Variants in DCUN1D1 observed in about 807,000 individuals in gnomAD.
DCUN1D1 encodes the protein defective in cullin neddylation 1 domain containing 1.
In DCUN1D1, 3 loss-of-function variants were observed where a neutral mutation model predicts 39.0. That is an observed-to-expected ratio of 0.08 (90% CI 0.04 to 0.20). The LOEUF (loss-of-function observed/expected upper bound fraction) is 0.20, where lower values mean the gene tolerates loss of function less well. Among genes scored for constraint, DCUN1D1 ranks in the 10% least tolerant of loss-of-function variants. DCUN1D1 has a pLI of 1.00. For synonymous variants in DCUN1D1, 82 were observed against 96.3 expected, an observed-to-expected ratio of 0.85 and a Z score of 0.87; for missense variants, 158 against 302.4, an observed-to-expected ratio of 0.52 and a Z score of 3.54.
At chr3:182,979,222 A>G (rs1728392147) in intron 1 of DCUN1D1, among the ~76,000 whole-genome samples, 1 of 152,218 alleles carries the variant, frequency 6.6e-6, no homozygotes, top group Non-Finnish European at 1.5e-5. Flanking sequence ...TTGCCACAGA[A>G]CATAAGTGTT....
At chr3:182,964,613 A>C (rs962947329) in intron 2 of DCUN1D1, among the ~76,000 whole-genome samples, 4 of 151,894 alleles carry the variant, frequency 2.6e-5, no homozygotes, top group Non-Finnish European at 5.9e-5. Flanking sequence ...ACTGCTATCA[A>C]ATATGATTTA....
chr3:182,946,819 T>C (rs555865228), intron 6 of DCUN1D1, among the ~76,000 whole-genome samples: 25 of 152,046 alleles, frequency 1.6e-4, no homozygotes, highest in Non-Finnish European at 3.7e-4. Context: ...CAGAAGAGCA[T>C]TAAAAAAAGC....
intron 3 of DCUN1D1, 75 bp from the exon 4 acceptor site, chr3:182,961,431 G>T (rs1388193250): frequency 7.8e-7 from 1 of 1,278,590 alleles, no homozygotes; most frequent in African/African-American, 1.5e-5. Context: ...TCCCATGAGG[G>T]CTTACATTTA....
chr3:182,970,210 G>A (rs1727862871), intron 1 of DCUN1D1, among the ~76,000 whole-genome samples: 1 of 152,040 alleles, frequency 6.6e-6, no homozygotes, highest in African/African-American at 2.4e-5. Context: ...GCTGCAGTGA[G>A]CTATGATAGC....
At chr3:182,965,409 A>G (rs1176483983) in intron 2 of DCUN1D1, 128 bp downstream of exon 2, 8 of 530,316 alleles carry the variant, frequency 1.5e-5, no homozygotes, top group Non-Finnish European at 1.0e-5. Context: ...AAATAACTCT[A>G]AGATCTACAG....
At chr3:182,957,634 A>G (rs1173225232) in intron 4 of DCUN1D1, among the ~76,000 whole-genome samples, 1 of 152,018 alleles carries the variant, frequency 6.6e-6, no homozygotes, top group African/African-American at 2.4e-5. Context: ...TCTAAAACAA[A>G]TCAAAAAAAA....
Position 182,947,150 on chromosome 3 carries a change from C to T in DCUN1D1, c.700+88G>A, listed in dbSNP as rs991205440. ...AGCTCAGCGGAGGGAATTCCAACTC[C>T]GAGAAAAACAAAAGTACCTAAGAAG... On this transcript the variant is annotated intron_variant, in intron 6 of 6. Coordinates refer to ENST00000292782, the MANE Select transcript of DCUN1D1 (RefSeq NM_020640.4). 15 of 677,368 alleles carry T rather than the reference C, an allele frequency of 2.2e-5. No homozygotes were observed. In the African/African-American group the frequency reaches 2.3e-4, roughly 10 times the overall value. The allele number at this position is 677,368 out of a possible 1,614,324, so 42.0% of individuals were successfully genotyped here.
intron 3 of DCUN1D1, among the ~76,000 whole-genome samples, chr3:182,963,150 C>CT (rs1401492959): frequency 9.2e-5 from 14 of 152,192 alleles, no homozygotes; most frequent in Admixed American, 3.3e-4. Context: ...AATCATGACT[C>CT]TAATACTACC....
chr3:182,940,457 A>G lies in DCUN1D1; in HGVS notation c.*4637T>C, dbSNP rs1167687079. ...TTCTTTTCAAAGCAGTGCTGCCTTC[A>G]GTGATTAAGCTGGCATGAATTTCAG... On this transcript the variant is annotated 3_prime_UTR_variant, in exon 7 of 7. Transcript: ENST00000292782. 6.6e-6 allele frequency: 1 copy of G among 152,174 alleles called. No homozygotes were observed. The highest frequency in any genetic ancestry group is 1.5e-5 in the Non-Finnish European group (1 of 68,024). 9.4% of individuals were successfully genotyped at this position (152,174 alleles called of 1,614,324 possible). A position where few individuals can be genotyped will look rare whatever the true frequency, so the allele number is the denominator to read the frequency against.
intron 1 of DCUN1D1, among the ~76,000 whole-genome samples, chr3:182,975,240 G>T (rs1254769450): frequency 1.3e-5 from 2 of 149,808 alleles, no homozygotes; most frequent in South Asian, 4.2e-4. Context: ...GCAGTGGTGC[G>T]ATCTCGGCTC....
At chr3:182,984,828 A>T (rs1728675107), upstream of DCUN1D1, among the ~76,000 whole-genome samples, 2 of 152,240 alleles carry the variant, frequency 1.3e-5, no homozygotes, top group Admixed American at 6.5e-5. Context: ...GAGCAGAAGT[A>T]ATCTGAAAAG....
At chr3:182,976,311 A>G (rs1165701470) in intron 1 of DCUN1D1, among the ~76,000 whole-genome samples, 2 of 152,142 alleles carry the variant, frequency 1.3e-5, no homozygotes, top group Non-Finnish European at 2.9e-5. Flanking sequence ...GAATCCTTCA[A>G]TGGATTTCCA....
chr3:182,948,485 C>T (rs1353302827), intron 4 of DCUN1D1, among the ~76,000 whole-genome samples: 5 of 151,970 alleles, frequency 3.3e-5, no homozygotes, highest in Non-Finnish European at 7.4e-5. Flanking sequence ...CTACGCTTAC[C>T]ACACAACAGA....
At chr3:182,979,600 T>TTTCCCC (rs58326496) in intron 1 of DCUN1D1, among the ~76,000 whole-genome samples, 1 of 137,004 alleles carries the variant, frequency 7.3e-6, no homozygotes, top group Non-Finnish European at 1.5e-5. Flanking sequence ...GAGGACTTTT[T>TTTCCCC]CCCCCCCCCA....
intron 4 of DCUN1D1, among the ~76,000 whole-genome samples, chr3:182,952,442 T>C (rs1726802310): frequency 6.6e-6 from 1 of 152,170 alleles, no homozygotes; most frequent in South Asian, 2.1e-4. Context: ...GAAACCTATC[T>C]CTATATTCTA....
At chr3:182,966,141 C>G (rs77075694) in intron 1 of DCUN1D1, among the ~76,000 whole-genome samples, 1,600 of 152,030 alleles carry the variant, frequency 0.011, 30 homozygotes, top group African/African-American at 0.037. Context: ...TGATCAGACG[C>G]AGGGAAGAAG....
chr3:182,973,052 G>C (rs546211736), intron 1 of DCUN1D1, among the ~76,000 whole-genome samples: 1 of 141,822 alleles, frequency 7.1e-6, no homozygotes, highest in African/African-American at 3.1e-5. Context: ...CAAAAAAAAA[G>C]GGGGGGGCTC....
chr3:182,977,417 A>T (rs1038980386), intron 1 of DCUN1D1, among the ~76,000 whole-genome samples: 1 of 152,182 alleles, frequency 6.6e-6, no homozygotes, highest in Admixed American at 6.5e-5. Flanking sequence ...CCATCTTATA[A>T]ATAAAACAAC....
upstream of DCUN1D1, among the ~76,000 whole-genome samples, chr3:182,982,776 C>G (rs567624484): frequency 2.0e-5 from 3 of 152,144 alleles, no homozygotes; most frequent in East Asian, 5.8e-4. Context: ...CACCGAGTAG[C>G]TGGGATTACA....
Sources: gnomAD v4.1 joint callset for allele counts (sites outside exome capture counted in the v4.1 genomes callset) on GRCh38, gnomAD v4.1.1 for gene constraint, MANE v1.5 for transcripts, NCBI Gene and HGNC (gene_info 2026-07-23, HGNC 2026-07-21) for gene names.